NPFFR2: variants seen among roughly 807,000 people sequenced by gnomAD.
NPFFR2 encodes the protein G-protein coupled receptor 74.
In NPFFR2, 15 loss-of-function variants were observed where a neutral mutation model predicts 13.1. That is an observed-to-expected ratio of 1.15 (90% CI 0.77 to 1.76). NPFFR2 has a LOEUF of 1.76. Among genes scored for constraint, NPFFR2 ranks in the 40% most tolerant of loss-of-function variants. NPFFR2 has a pLI of 0.00. For missense variants in NPFFR2, 572 were observed against 503.5 expected, an observed-to-expected ratio of 1.14 and a Z score of -1.30; for synonymous variants, 190 against 175.7, an observed-to-expected ratio of 1.08 and a Z score of -0.65.
intron 1 of NPFFR2, among the ~76,000 whole-genome samples, chr4:72,054,470 A>G (rs1418128660): frequency 6.6e-6 from 1 of 151,980 alleles, no homozygotes; most frequent in African/African-American, 2.4e-5. Context: ...ACCATACACA[A>G]AAATTAAATT....
In NPFFR2 at chr4:72,099,359, AGAACCATGTATTTCGT is replaced by A. The variant is rs145043698; in HGVS notation, c.-7-29225_-7-29210del. Among the ~76,000 whole-genome samples, 477 of 152,316 alleles carry A rather than the reference AGAACCATGTATTTCGT, an allele frequency of 3.1e-3. 2 individuals carry two copies. The highest frequency in any genetic ancestry group is 0.011 in the African/African-American group (468 of 41,570). On this transcript the variant is annotated intron_variant, in intron 1 of 3. Transcript: ENST00000308744. ...ATTTTACCTTTTTGGTGACACCAAT[AGAACCATGTATTTCGT>A]CATTCTTGCATTGCTATAAAGGAAT... is the stretch of plus-strand genomic sequence containing the variant.
chr4:72,075,375 T>C (rs1345006105), intron 1 of NPFFR2, among the ~76,000 whole-genome samples: 3 of 152,106 alleles, frequency 2.0e-5, no homozygotes, highest in Non-Finnish European at 4.4e-5. Flanking sequence ...ATTAGTTCTG[T>C]CCCTCTAGAG....
chr4:72,044,059 C>A (rs939796245), intron 1 of NPFFR2, among the ~76,000 whole-genome samples: 1 of 152,134 alleles, frequency 6.6e-6, no homozygotes, highest in African/African-American at 2.4e-5. Flanking sequence ...CTCACAAGAT[C>A]TGATGGTTTT....
chr4:72,049,956 G>A (rs973794982), intron 1 of NPFFR2, among the ~76,000 whole-genome samples: 3 of 152,028 alleles, frequency 2.0e-5, no homozygotes, highest in Non-Finnish European at 4.4e-5. Context: ...CTTGTGGAAA[G>A]CCCCTAAGGG....
At position 72,142,429 on chromosome 4, in the gene NPFFR2, G is replaced by A. The variant is rs547391392; in HGVS notation, c.428+4290G>A. On this transcript the variant is annotated intron_variant, in intron 3 of 3. Coordinates refer to ENST00000308744, the MANE Select transcript of NPFFR2 (RefSeq NM_004885.3). ...GTCCTGCTTTGGCTCACCCTCCGTG[G>A]GCTGCACCCACTGTCCAACCAGTCC... Among the ~76,000 whole-genome samples the A allele has an allele frequency of 4.6e-5, 7 of 152,146 alleles. No homozygotes were observed. The South Asian group carries it at 1.5e-3, about 32-fold the overall frequency.
At chr4:72,078,358 A>G (rs1033542970) in intron 1 of NPFFR2, among the ~76,000 whole-genome samples, 3 of 152,128 alleles carry the variant, frequency 2.0e-5, no homozygotes, top group African/African-American at 7.2e-5. Context: ...AGAGAGTGAC[A>G]TATGTACTAA....
chr4:72,073,586 AATT>A (rs1720328755), intron 1 of NPFFR2, among the ~76,000 whole-genome samples: 3 of 152,234 alleles, frequency 2.0e-5, no homozygotes, highest in African/African-American at 4.8e-5. Context: ...CATTTAAAAA[AATT>A]ATTAGTGTCA....
chr4:72,034,047 G>A (rs1043359451), intron 1 of NPFFR2, among the ~76,000 whole-genome samples: 1 of 152,036 alleles, frequency 6.6e-6, no homozygotes, highest in Non-Finnish European at 1.5e-5. Flanking sequence ...ACAAAATAAG[G>A]ACAACTTCAT....
intron 1 of NPFFR2, among the ~76,000 whole-genome samples, chr4:72,036,802 C>A (rs1719051010): frequency 6.6e-6 from 1 of 151,762 alleles, no homozygotes; most frequent in African/African-American, 2.4e-5. Flanking sequence ...AATTTAGCCT[C>A]ACCAGAATGT....
At chr4:72,085,453 A>G (rs1278227698) in intron 1 of NPFFR2, among the ~76,000 whole-genome samples, 2 of 152,010 alleles carry the variant, frequency 1.3e-5, no homozygotes. Context: ...CATATATTTT[A>G]TGTTTTTTCT....
intron 1 of NPFFR2, chr4:72,068,987 T>G (rs1284661189): frequency 5.6e-6 from 8 of 1,419,416 alleles, no homozygotes; most frequent in Non-Finnish European, 7.5e-6. Flanking sequence ...ATTGAATGTC[T>G]TAATAAGAGT....
chr4:72,052,807 G>A (rs369875478), intron 1 of NPFFR2, among the ~76,000 whole-genome samples: 5 of 152,050 alleles, frequency 3.3e-5, no homozygotes, highest in African/African-American at 9.6e-5. Flanking sequence ...CTACCTGGAG[G>A]CTTCATCTTC....
At chr4:72,083,457 T>C (rs7691143) in intron 1 of NPFFR2, among the ~76,000 whole-genome samples, 8,034 of 152,254 alleles carry the variant, frequency 0.053, 775 homozygotes, top group East Asian at 0.47. Flanking sequence ...TTTGGCAGTT[T>C]TTCAGTACCT....
chr4:72,037,339 G>A (rs72852866), intron 1 of NPFFR2, among the ~76,000 whole-genome samples: 11,161 of 150,356 alleles, frequency 0.074, 1,390 homozygotes, highest in African/African-American at 0.26. Flanking sequence ...TGGAGGTTGA[G>A]GTTGCAGTGA....
intron 1 of NPFFR2, among the ~76,000 whole-genome samples, chr4:72,080,709 A>T (rs572536821): frequency 6.6e-6 from 1 of 152,240 alleles, no homozygotes; most frequent in South Asian, 2.1e-4. Flanking sequence ...TAATCTCCTT[A>T]ATCTGTATAC....
intron 1 of NPFFR2, among the ~76,000 whole-genome samples, chr4:72,126,442 G>A (rs1722045704): frequency 6.6e-6 from 1 of 152,164 alleles, no homozygotes; most frequent in African/African-American, 2.4e-5. Context: ...TAATTAACAA[G>A]GTGTGCAGAA....
At chr4:72,066,553 T>G (rs1720077279) in intron 1 of NPFFR2, among the ~76,000 whole-genome samples, 1 of 152,154 alleles carries the variant, frequency 6.6e-6, no homozygotes, top group African/African-American at 2.4e-5. Flanking sequence ...TAGGCAAGTG[T>G]CCCTTTAGCT....
At chr4:72,142,216 G>A (rs957091791) in intron 3 of NPFFR2, among the ~76,000 whole-genome samples, 9 of 152,064 alleles carry the variant, frequency 5.9e-5, no homozygotes, top group African/African-American at 2.2e-4. Flanking sequence ...TATCCAATTT[G>A]CCAGTCTGTG....
intron 1 of NPFFR2, among the ~76,000 whole-genome samples, chr4:72,045,998 G>A (rs377134776): frequency 6.6e-6 from 1 of 152,038 alleles, no homozygotes; most frequent in Non-Finnish European, 1.5e-5. Flanking sequence ...GATGTTTATT[G>A]CAGTATTATT....
Sources: gnomAD v4.1 joint callset for allele counts (sites outside exome capture counted in the v4.1 genomes callset) on GRCh38, gnomAD v4.1.1 for gene constraint, MANE v1.5 for transcripts, NCBI Gene and HGNC (gene_info 2026-07-23, HGNC 2026-07-21) for gene names.